TMC1: variants seen among roughly 807,000 people sequenced by gnomAD.
TMC1 encodes transmembrane channel-like protein 1.
Under a neutral mutation model 105.8 loss-of-function variants are expected in TMC1, and 84 were observed. That is an observed-to-expected ratio of 0.79 (90% CI 0.67 to 0.95). TMC1 has a LOEUF of 0.95. Ranked by LOEUF, TMC1 falls within the 40% of genes least tolerant of loss-of-function variation. TMC1 has a pLI of 0.00. For missense variants in TMC1, 817 were observed against 914.1 expected (o/e 0.89, Z 1.37); for synonymous variants, 315 against 311.5 (o/e 1.01, Z -0.12).
At chr9:72,656,003 T>C (rs1006693081) in intron 5 of TMC1, 1 of 771,896 alleles carries the variant, frequency 1.3e-6, no homozygotes, top group Non-Finnish European at 2.3e-6. Flanking sequence ...TTTCTTGTAG[T>C]GATTCTCAAA....
intron 4 of TMC1, among the ~76,000 whole-genome samples, chr9:72,638,600 G>C (rs1825573394): frequency 6.6e-6 from 1 of 152,160 alleles, no homozygotes; most frequent in African/African-American, 2.4e-5. Context: ...ACAGAGCATA[G>C]TGTTCATTGC....
chr9:72,640,036 T>G (rs1166921527), intron 4 of TMC1, among the ~76,000 whole-genome samples: 2 of 152,226 alleles, frequency 1.3e-5, no homozygotes, highest in African/African-American at 4.8e-5. Context: ...TTTCTGGTTT[T>G]GCCAATCCAA....
chr9:72,643,605 A>T (rs374419012), intron 4 of TMC1, among the ~76,000 whole-genome samples: 42 of 152,160 alleles, frequency 2.8e-4, no homozygotes, highest in Middle Eastern at 6.8e-3. Flanking sequence ...TTTGCCATTC[A>T]TATCAGTTTT....
intron 5 of TMC1, among the ~76,000 whole-genome samples, chr9:72,665,209 G>A (rs1413972367): frequency 6.6e-6 from 1 of 151,212 alleles, no homozygotes; most frequent in Non-Finnish European, 1.5e-5. Context: ...GTACGTGACT[G>A]TATTTATTGA....
At chr9:72,567,809 T>C (rs1265313718) in intron 1 of TMC1, among the ~76,000 whole-genome samples, 1 of 152,210 alleles carries the variant, frequency 6.6e-6, no homozygotes, top group Non-Finnish European at 1.5e-5. Context: ...GCTAAGGCAC[T>C]CATGTAGTCT....
chr9:72,703,049 A>G (rs1411578086), intron 8 of TMC1, among the ~76,000 whole-genome samples: 3 of 152,040 alleles, frequency 2.0e-5, no homozygotes, highest in African/African-American at 7.2e-5. Flanking sequence ...GGCAATATAT[A>G]CAATACAAAA....
intron 5 of TMC1, among the ~76,000 whole-genome samples, chr9:72,674,376 C>T (rs545756866): frequency 4.6e-4 from 70 of 152,252 alleles, no homozygotes; most frequent in Admixed American, 9.8e-4. Context: ...CATATACTTG[C>T]CCTCAGAGCT....
chr9:72,751,037 C>T (rs983789381), intron 10 of TMC1, among the ~76,000 whole-genome samples: 5 of 152,172 alleles, frequency 3.3e-5, no homozygotes, highest in African/African-American at 1.2e-4. Flanking sequence ...TCTAAAGCTA[C>T]CCCTTTCAAT....
intron 20 of TMC1, among the ~76,000 whole-genome samples, chr9:72,825,346 A>G (rs1380915784): frequency 6.6e-6 from 1 of 152,226 alleles, no homozygotes; most frequent in Non-Finnish European, 1.5e-5. Flanking sequence ...CTGGAAAACA[A>G]TTCTGAGAAT....
At chr9:72,779,085 C>T (rs1052507036) in intron 13 of TMC1, among the ~76,000 whole-genome samples, 4 of 152,168 alleles carry the variant, frequency 2.6e-5, no homozygotes, top group African/African-American at 9.7e-5. Flanking sequence ...GCTCCTTCAG[C>T]ACAGCAGGTG....
intron 15 of TMC1, among the ~76,000 whole-genome samples, chr9:72,791,056 A>G (rs975962816): frequency 2.6e-5 from 4 of 152,132 alleles, no homozygotes; most frequent in African/African-American, 9.7e-5. Context: ...GTATTTCCCT[A>G]TTAGAAAATT....
At chr9:72,779,553 T>C (rs1280478976) in intron 13 of TMC1, among the ~76,000 whole-genome samples, 1 of 152,228 alleles carries the variant, frequency 6.6e-6, no homozygotes, top group Non-Finnish European at 1.5e-5. Flanking sequence ...GACAAAATAG[T>C]CATTTTAAGA....
intron 3 of TMC1, among the ~76,000 whole-genome samples, chr9:72,617,801 A>G (rs753258919): frequency 6.6e-6 from 1 of 152,086 alleles, no homozygotes; most frequent in Non-Finnish European, 1.5e-5. Flanking sequence ...AATAAGATCT[A>G]TTTCTACTCA....
At chr9:72,786,210 C>G (rs1209905631) in intron 13 of TMC1, among the ~76,000 whole-genome samples, 1 of 152,118 alleles carries the variant, frequency 6.6e-6, no homozygotes, top group Non-Finnish European at 1.5e-5. Context: ...CTTTGGGAGG[C>G]CGAGGTGGGT....
At chr9:72,556,520 C>G (rs1417263796) in intron 1 of TMC1, among the ~76,000 whole-genome samples, 2 of 151,708 alleles carry the variant, frequency 1.3e-5, no homozygotes, top group Non-Finnish European at 2.9e-5. Flanking sequence ...AGCATACTCT[C>G]TAAAACATTG....
chr9:72,554,420 C>T (rs1483023245), intron 1 of TMC1, among the ~76,000 whole-genome samples: 3 of 152,172 alleles, frequency 2.0e-5, no homozygotes, highest in Non-Finnish European at 4.4e-5. Context: ...TATTTGCATA[C>T]TTTTAACAGG....
chr9:72,707,694 T>G (rs532709234), intron 8 of TMC1, among the ~76,000 whole-genome samples: 1 of 152,338 alleles, frequency 6.6e-6, no homozygotes, highest in South Asian at 2.1e-4. Context: ...GAAGACCTTC[T>G]CCCTCTCTGT....
chr9:72,648,131 G>T (rs1258516802), intron 4 of TMC1, among the ~76,000 whole-genome samples: 2 of 152,152 alleles, frequency 1.3e-5, no homozygotes, highest in African/African-American at 4.8e-5. Flanking sequence ...ATGTGCTATA[G>T]CTTTGCTGCT....
At chr9:72,742,555 A>C in intron 10 of TMC1, 30 bp downstream of exon 10, 1 of 1,571,884 alleles carries the variant, frequency 6.4e-7, no homozygotes, top group Non-Finnish European at 8.8e-7. Context: ...CAGGTGGAGA[A>C]GGTTGTCTTA....
Sources: gnomAD v4.1 joint callset for allele counts (sites outside exome capture counted in the v4.1 genomes callset) on GRCh38, gnomAD v4.1.1 for gene constraint, MANE v1.5 for transcripts, NCBI Gene and HGNC (gene_info 2026-07-23, HGNC 2026-07-21) for gene names.